PRKDC: variants seen among roughly 807,000 people sequenced by gnomAD.
PRKDC encodes protein kinase, DNA-activated, catalytic subunit, also known as DNA-dependent protein kinase catalytic subunit.
Under a neutral mutation model 486.9 loss-of-function variants are expected in PRKDC, and 82 were observed. The observed-to-expected ratio is 0.17, with a 90% CI of 0.14 to 0.20. PRKDC has a LOEUF of 0.20. Among genes scored for constraint, PRKDC ranks in the 10% least tolerant of loss-of-function variants. The pLI, the probability that PRKDC is intolerant of heterozygous loss-of-function variation, is 1.00. For missense variants in PRKDC, 4,504 were observed against 5,038.2 expected (o/e 0.89, Z 3.21); for synonymous variants, 1,895 against 1,837.0 (o/e 1.03, Z -0.81).
At chr8:47,824,115 T>C (rs899839407) in intron 63 of PRKDC, 119 bp from the exon 64 acceptor site, 2 of 1,059,810 alleles carry the variant, frequency 1.9e-6, no homozygotes, top group African/African-American at 1.6e-5. Context: ...AGACATAAAG[T>C]GTTACTTTAA....
Position 47,821,686 on chromosome 8 carries a change from G to T in PRKDC, c.9029C>A (p.Ser3010Ter). The change falls in exon 65 of 86, where the codon TCA (serine) becomes TAA (stop). Residue 3010 changes from serine (S) to a stop codon, truncating the protein, a stop_gained. Transcript: ENST00000314191. LOFTEE classifies it high-confidence loss of function. ...DCYNHLAEWK[S>*]LEYCSTASID... ...ACTGGCTGTAGAACAGTATTCAAGT[G>T]ATTTCCACTCAGCAAGGTGGTTGTA... The T allele has an allele frequency of 6.2e-7, 1 of 1,601,958 alleles. No individual in the cohort carries two copies.
chr8:47,845,766 G>A (rs1244351979), intron 54 of PRKDC, among the ~76,000 whole-genome samples: 1 of 151,008 alleles, frequency 6.6e-6, no homozygotes, highest in African/African-American at 2.4e-5. Flanking sequence ...ACAAAGAATT[G>A]GTACGAATCC....
At position 47,854,303 on chromosome 8, in the gene PRKDC, GAC is replaced by G. The variant is rs1168575067; in HGVS notation, c.6762-91_6762-90del. 1.4e-5 allele frequency: 20 copies of G among 1,434,444 alleles called. No homozygotes were observed. In the East Asian group the frequency reaches 4.6e-4, roughly 33 times the overall value. The allele number at this position is 1,434,444 out of a possible 1,614,324, so 88.9% of individuals were successfully genotyped here. ...CAAATACAGAATTTTATTTTTTTGA[GAC>G]AGAGTCTGACTCTCGCCCAGGCTGG... On this transcript the variant is annotated intron_variant, in intron 50 of 85. Transcript: ENST00000314191.
At chr8:47,794,544 A>C in intron 73 of PRKDC, 43 bp from the exon 74 acceptor site, 2,253 of 1,404,230 alleles carry the variant, frequency 1.6e-3, no homozygotes, top group Non-Finnish European at 2.0e-3. Context: ...AAAACATCTC[A>C]CATCATCTGT....
rs778944703 is a variant in PRKDC, at chr8:47,854,093, G to T, written c.6883C>A (p.Gln2295Lys). The T allele has an allele frequency of 1.5e-5, 25 of 1,613,746 alleles. 1 individual carries two copies. The South Asian group carries it at 2.5e-4, about 16-fold the overall frequency. The stretch of plus-strand genomic sequence containing the variant: ...CAAGCAAACACGTACTCGCTACTCT[G>T]GATGCCACACTGTGGGTCATAGGGA... ...LPPYDPQCGI[Q>K]SSEYFQALVN... Residue 2295 changes from glutamine to lysine, a missense_variant, in exon 51 of 86, where the codon CAG becomes AAG. This residue lies in a region of PRKDC where 1,592 missense variants were observed against 1,724.6 expected (regional missense o/e 0.92). Coordinates refer to ENST00000314191, the MANE Select transcript of PRKDC (RefSeq NM_006904.7).
intron 64 of PRKDC, 116 bp downstream of exon 64, chr8:47,823,742 C>T (rs559154953): frequency 1.1e-4 from 136 of 1,254,894 alleles, no homozygotes; most frequent in Non-Finnish European, 1.4e-4. Flanking sequence ...AACATTGTAA[C>T]GAAAAGACAT....
intron 74 of PRKDC, among the ~76,000 whole-genome samples, chr8:47,793,771 T>C (rs1213463699): frequency 6.8e-6 from 1 of 147,268 alleles, no homozygotes; most frequent in Non-Finnish European, 1.5e-5. Flanking sequence ...GATCTGCTCA[T>C]AATTAAAAAC....
chr8:47,903,100 A>G (rs2089717201), intron 26 of PRKDC, among the ~76,000 whole-genome samples: 1 of 152,218 alleles, frequency 6.6e-6, no homozygotes, highest in African/African-American at 2.4e-5. Context: ...CCCTGAAAAA[A>G]AAGAAAATGG....
intron 68 of PRKDC, among the ~76,000 whole-genome samples, chr8:47,811,655 T>A (rs1017359371): frequency 6.6e-6 from 1 of 152,060 alleles, no homozygotes; most frequent in African/African-American, 2.4e-5. Flanking sequence ...CACACACACA[T>A]CAACATATCA....
chr8:47,837,088 C>A, intron 57 of PRKDC, 124 bp downstream of exon 57: 1 of 1,100,364 alleles, frequency 9.1e-7, no homozygotes, highest in Non-Finnish European at 1.3e-6. Context: ...ACGAGCCTTC[C>A]CTTTCCTTTT....
chr8:47,859,014 G>T, intron 46 of PRKDC, 28 bp from the exon 47 acceptor site: 1 of 1,609,442 alleles, frequency 6.2e-7, no homozygotes, highest in South Asian at 1.1e-5. Flanking sequence ...CAGGAGAGCA[G>T]AGGGTACAGT....
At position 47,774,640 on chromosome 8, in the gene PRKDC, A is replaced by G. The variant is rs567695068; in HGVS notation, c.12183-263T>C. 3.5e-4 allele frequency among the ~76,000 whole-genome samples: 53 copies of G among 152,168 alleles called. 2 individuals are homozygous for G. In the South Asian group the frequency reaches 0.011, roughly 31 times the overall value. On this transcript the variant is annotated intron_variant, in intron 85 of 85. Transcript: ENST00000314191. ...CCTAGGAGTGGCATTGATGGGTCCA[A>G]TGGTAACTCTATGTTTAACTTTGTG...
chr8:47,849,281 G>T lies in PRKDC; in HGVS notation c.7153C>A (p.Leu2385Met), dbSNP rs762752654. 1 of 1,613,986 alleles carries T rather than the reference G, an allele frequency of 6.2e-7. No individual in the cohort carries two copies. The highest frequency in any genetic ancestry group is 8.5e-7 in the Non-Finnish European group (1 of 1,179,890). The change falls in exon 54 of 86, where the codon CTG (leucine) becomes ATG (methionine). Residue 2385 changes from leucine to methionine, a missense_variant. Leu to Met is a conservative substitution (Grantham distance 15). This residue lies in a region of PRKDC where 1,592 missense variants were observed against 1,724.6 expected (regional missense o/e 0.92). Transcript: ENST00000314191. The part of the protein sequence containing the change: ...ADRFMNAVFF[L>M]LPKFHGVLKT... ...AACACTCCATGAAATTTTGGCAGCA[G>T]AAAGAACACAGCATTCATGAACCTG...
Position 47,785,267 on chromosome 8 carries a change from T to C in PRKDC, c.10953A>G (p.Leu3651=), listed in dbSNP as rs2154497622. 5 of 1,611,936 alleles carry C rather than the reference T, an allele frequency of 3.1e-6. No homozygotes were observed. The highest frequency in any genetic ancestry group is 4.2e-6 in the Non-Finnish European group (5 of 1,178,740). Reference sequence around the variant, plus strand: ...TGAAGTCACTGAGCTTCATTCTCAGTAGTTTAGAACCTCCTTTCCCAAAAT... The same window carrying C: ...TGAAGTCACTGAGCTTCATTCTCAGCAGTTTAGAACCTCCTTTCCCAAAAT... ...DKHFGKGGSK[L]LRMKLSDFND... is the part of the protein sequence containing the mutation. Residue 3651 remains leucine, a synonymous_variant, in exon 77 of 86, where the codon CTA becomes CTG. Transcript: ENST00000314191.
Position 47,960,116 on chromosome 8 carries a change from G to C in PRKDC, c.11C>G (p.Ser4Cys), listed in dbSNP as rs1406641105. The change falls in exon 1 of 86, where the codon TCC becomes TGC. Residue 4 changes from serine (S) to cysteine (C), a missense_variant. Physicochemically the swap from Ser to Cys is moderately radical, Grantham distance 112. This residue lies in a region of PRKDC where 145 missense variants were observed against 136.3 expected (regional missense o/e 1.06). Coordinates refer to ENST00000314191, the MANE Select transcript of PRKDC (RefSeq NM_006904.7). ...CAGGGAGCAACGCACACCGGCTCCG[G>C]AGCCCGCCATGCCGCCGAGTCCCGC... MAG[S>C]GAGVRCSLLR... 1.2e-5 allele frequency: 18 copies of C among 1,502,770 alleles called. 1 individual carries two copies. The highest frequency in any genetic ancestry group is 2.5e-5 in the South Asian group (2 of 81,444). The allele number at this position is 1,502,770 out of a possible 1,614,324, so 93.1% of individuals were successfully genotyped here.
chr8:47,851,692 G>A (rs2088407733), intron 52 of PRKDC, among the ~76,000 whole-genome samples: 1 of 152,234 alleles, frequency 6.6e-6, no homozygotes, highest in Admixed American at 6.5e-5. Context: ...CATGAGGCTG[G>A]ACGAGGCGGG....
At chr8:47,934,881 T>C (rs2090322133) in intron 14 of PRKDC, 128 bp downstream of exon 14, 7 of 632,810 alleles carry the variant, frequency 1.1e-5, no homozygotes, top group African/African-American at 3.7e-5. Flanking sequence ...CTTTTCAAAA[T>C]GTAAGGCATT....
chr8:47,841,334 G>A (rs1320741603), intron 54 of PRKDC, among the ~76,000 whole-genome samples: 1 of 152,092 alleles, frequency 6.6e-6, no homozygotes, highest in Non-Finnish European at 1.5e-5. Context: ...TCTATCCCCT[G>A]CTGAATGCTG....
At position 47,776,990 on chromosome 8, in the gene PRKDC, G is replaced by A. The variant is rs1431079898; in HGVS notation, c.12043-7C>T. The A allele has an allele frequency of 2.5e-6, 4 of 1,607,138 alleles. No individual in the cohort carries two copies. In the African/African-American group the frequency reaches 4.0e-5, roughly 16 times the overall value. On this transcript the variant is annotated splice_polypyrimidine_tract_variant and splice_region_variant and intron_variant, in intron 84 of 85. Transcript: ENST00000314191. ...GCATTTTCTGTTCAAAATTCTAGAA[G>A]AAAAGAACATGATTTTCCCGGCTGA... is the stretch of plus-strand genomic sequence containing the variant.
Sources: allele counts gnomAD v4.1 joint callset (sites outside exome capture counted in the v4.1 genomes callset), GRCh38; gene constraint gnomAD v4.1.1; regional missense constraint gnomAD v4.1.1; transcripts MANE v1.5; gene names NCBI Gene and HGNC (gene_info 2026-07-23, HGNC 2026-07-21).